The following TRPM3 variants were observed in gnomAD, a reference collection of about 807,000 sequenced individuals.
TRPM3 encodes transient receptor potential cation channel subfamily M member 3.
In TRPM3, 77 loss-of-function variants were observed where a neutral mutation model predicts 181.2. The ratio of observed to expected loss-of-function variants is 0.42; its 90% CI spans 0.35 to 0.51. The LOEUF (loss-of-function observed/expected upper bound fraction) is 0.51, where lower values mean the gene tolerates loss of function less well. Among genes scored for constraint, TRPM3 ranks in the 20% least tolerant of loss-of-function variants. TRPM3 has a pLI of 0.01. For synonymous variants in TRPM3, 745 were observed against 796.4 expected (o/e 0.94, Z 1.09); for missense variants, 1,759 against 2,196.7 (o/e 0.80, Z 3.98).
chr9:70,536,116 A>C lies in TRPM3; in HGVS notation c.4997T>G (p.Phe1666Cys), dbSNP rs776714284. 6.2e-7 allele frequency: 1 copy of C among 1,614,110 alleles called. No individual in the cohort carries two copies. Among genetic ancestry groups the C allele is most frequent in the Non-Finnish European group, 8.5e-7 (1 of 1,180,018 alleles). ...SAPYAHTRKS[F>C]SISDKLDRQR... ...CCTGTCGAGTTTGTCACTGATGGAGAAGCTCTTCCTGGTGTGTGCATATGG... is the reference window on the plus strand; with the variant it reads ...CCTGTCGAGTTTGTCACTGATGGAGCAGCTCTTCCTGGTGTGTGCATATGG... The change falls in exon 26 of 26, where the codon TTC (phenylalanine) becomes TGC (cysteine). Residue 1666 changes from phenylalanine (F) to cysteine (C), a missense_variant. This residue lies in a region of TRPM3 where 612 missense variants were observed against 590.0 expected (regional missense o/e 1.04). Transcript: ENST00000677713.
At chr9:70,946,849 G>A (rs528199022) in intron 1 of TRPM3, among the ~76,000 whole-genome samples, 8 of 152,056 alleles carry the variant, frequency 5.3e-5, no homozygotes, top group East Asian at 1.9e-4. Context: ...AATCTATTGC[G>A]TCTTGCCTCT....
intron 1 of TRPM3, among the ~76,000 whole-genome samples, chr9:71,193,363 T>A (rs1032596126): frequency 4.6e-5 from 7 of 151,784 alleles, no homozygotes; most frequent in African/African-American, 1.7e-4. Flanking sequence ...CTGTTGTTCA[T>A]CCTCTTTTCA....
intron 1 of TRPM3, among the ~76,000 whole-genome samples, chr9:71,003,697 C>T (rs763012469): frequency 2.6e-5 from 4 of 152,040 alleles, no homozygotes; most frequent in Admixed American, 6.5e-5. Context: ...AGTTCGGTAT[C>T]GTTTTATTTT....
intron 1 of TRPM3, among the ~76,000 whole-genome samples, chr9:71,063,869 G>C (rs1384041278): frequency 1.3e-5 from 2 of 152,048 alleles, no homozygotes; most frequent in African/African-American, 4.8e-5. Context: ...TAAGAAGAGA[G>C]ATGTGGAAGA....
At chr9:70,607,136 A>G (rs575334136) in intron 19 of TRPM3, among the ~76,000 whole-genome samples, 14 of 152,184 alleles carry the variant, frequency 9.2e-5, no homozygotes, top group Non-Finnish European at 1.8e-4. Flanking sequence ...TTCTTGGACC[A>G]GAAGAGGACC....
chr9:71,045,962 T>C (rs1478709088), intron 1 of TRPM3, among the ~76,000 whole-genome samples: 2 of 151,556 alleles, frequency 1.3e-5, no homozygotes, highest in African/African-American at 4.9e-5. Flanking sequence ...TTTCCAGGAG[T>C]GTCTACAGCC....
At chr9:71,126,399 T>G (rs1264115531), upstream of TRPM3, among the ~76,000 whole-genome samples, 21 of 152,166 alleles carry the variant, frequency 1.4e-4, no homozygotes, top group Non-Finnish European at 2.4e-4. Flanking sequence ...TTTATCATTT[T>G]TGTCAAAAAA....
intron 1 of TRPM3, among the ~76,000 whole-genome samples, chr9:71,165,460 A>G (rs1024201476): frequency 9.9e-5 from 15 of 152,130 alleles, no homozygotes; most frequent in Non-Finnish European, 2.2e-4. Flanking sequence ...TCACACATGC[A>G]CACACACACT....
chr9:71,230,159 G>A (rs372885525), intron 1 of TRPM3, among the ~76,000 whole-genome samples: 141 of 152,258 alleles, frequency 9.3e-4, no homozygotes, highest in African/African-American at 3.2e-3. Flanking sequence ...TCTGTCATTT[G>A]CAACAACATG....
intron 1 of TRPM3, among the ~76,000 whole-genome samples, chr9:71,358,899 C>T (rs192443584): frequency 0.011 from 1,714 of 152,278 alleles, 19 homozygotes; most frequent in Middle Eastern, 0.037. Flanking sequence ...CCTATAATTT[C>T]CAAACTTTCT....
At chr9:70,933,624 A>G (rs990300938) in intron 1 of TRPM3, among the ~76,000 whole-genome samples, 3 of 152,272 alleles carry the variant, frequency 2.0e-5, no homozygotes, top group Non-Finnish European at 4.4e-5. Flanking sequence ...AAGAACAGAC[A>G]AGGATTTCAA....
chr9:70,553,376 A>T, intron 22 of TRPM3, 66 bp from the exon 23 acceptor site: 1 of 1,573,732 alleles, frequency 6.4e-7, no homozygotes, highest in Non-Finnish European at 8.6e-7. Context: ...AAATAAAAAG[A>T]TGGATTTGTA....
chr9:71,435,279 A>T (rs1284833960), intron 1 of TRPM3, among the ~76,000 whole-genome samples: 1 of 152,228 alleles, frequency 6.6e-6, no homozygotes. Flanking sequence ...GTCTTACAAG[A>T]TATCATGTTA....
At chr9:70,947,464 T>A (rs191474109) in intron 1 of TRPM3, among the ~76,000 whole-genome samples, 1 of 152,292 alleles carries the variant, frequency 6.6e-6, no homozygotes, top group Admixed American at 6.5e-5. Context: ...ATCCACTATT[T>A]TTATTTTGTA....
rs1564291155 is a variant in TRPM3 at position 70,553,063 on chromosome 9, G to T, written c.3375-20C>A. ...GTATTGCTAAAATAGAGACCAAAGA[G>T]AATCAAGTGAGAAAAACCCACTGTT... On this transcript the variant is annotated intron_variant, in intron 23 of 25. Coordinates refer to ENST00000677713, the MANE Select transcript of TRPM3 (RefSeq NM_001366145.2). 9 of 1,613,854 alleles carry T rather than the reference G, an allele frequency of 5.6e-6. No homozygotes were observed. Among genetic ancestry groups the T allele is most frequent in the Admixed American group, 5.0e-5 (3 of 60,012 alleles).
chr9:70,797,166 C>T (rs924107956), intron 6 of TRPM3, among the ~76,000 whole-genome samples: 4 of 151,920 alleles, frequency 2.6e-5, no homozygotes, highest in African/African-American at 7.2e-5. Context: ...TAAATGACAA[C>T]GTAATTATTT....
At chr9:70,752,049 T>TGTGCGCGC (rs1273744922) in intron 8 of TRPM3, among the ~76,000 whole-genome samples, 6 of 116,346 alleles carry the variant, frequency 5.2e-5, no homozygotes, top group African/African-American at 1.8e-4. Context: ...TGTGTGTGTG[T>TGTGCGCGC]GCGCGCGCGC....
chr9:70,820,798 G>T (rs1320015289), intron 6 of TRPM3, among the ~76,000 whole-genome samples: 1 of 152,022 alleles, frequency 6.6e-6, no homozygotes, highest in South Asian at 2.1e-4. Flanking sequence ...GAGAAATAAA[G>T]TCAAATACGG....
intron 1 of TRPM3, among the ~76,000 whole-genome samples, chr9:71,351,645 A>G (rs922077411): frequency 6.6e-6 from 1 of 152,188 alleles, no homozygotes; most frequent in Non-Finnish European, 1.5e-5. Flanking sequence ...AATATAATGG[A>G]CAAAAAATGT....
Sources: allele counts gnomAD v4.1 joint callset (sites outside exome capture counted in the v4.1 genomes callset), GRCh38; gene constraint gnomAD v4.1.1; regional missense constraint gnomAD v4.1.1; transcripts MANE v1.5; gene names NCBI Gene and HGNC (gene_info 2026-07-23, HGNC 2026-07-21).